The following SOBP variants were observed in gnomAD, a reference collection of about 807,000 sequenced individuals.
The protein encoded by SOBP is sine oculis-binding protein homolog.
A neutral mutation model predicts 53.6 loss-of-function variants in SOBP; 4 were observed. The observed-to-expected ratio is 0.07, with a 90% CI of 0.04 to 0.17. The LOEUF (loss-of-function observed/expected upper bound fraction) is 0.17, where lower values mean the gene tolerates loss of function less well. Among genes scored for constraint, SOBP ranks in the 10% least tolerant of loss-of-function variants. The pLI is 1.00. For synonymous variants in SOBP, 584 were observed against 522.6 expected (o/e 1.12, Z -1.60); for missense variants, 1,088 against 1,204.7 (o/e 0.90, Z 1.43).
chr6:107,577,963 A>G (rs1339049909), intron 4 of SOBP, among the ~76,000 whole-genome samples: 3 of 151,518 alleles, frequency 2.0e-5, no homozygotes, highest in East Asian at 3.9e-4. Context: ...AGTCCCAGCT[A>G]CTCGGGAGGC....
In SOBP at chr6:107,647,653, G is replaced by A. The variant is rs144464084; in HGVS notation, c.*4-10554G>A. Among the ~76,000 whole-genome samples, 240 of 152,160 alleles carry A rather than the reference G, an allele frequency of 1.6e-3. 9 individuals are homozygous for A. The East Asian group carries it at 0.044, about 28-fold the overall frequency. On this transcript the variant is annotated intron_variant, in intron 6 of 6. Coordinates refer to ENST00000317357, the MANE Select transcript of SOBP (RefSeq NM_018013.4). Reference sequence around the variant, plus strand: ...ATCTCTGGTTCCACTTTTACAAGTCGAGACTGCAACAAAGAGAGCGAGTGC... The same window carrying A: ...ATCTCTGGTTCCACTTTTACAAGTCAAGACTGCAACAAAGAGAGCGAGTGC...
intron 1 of SOBP, among the ~76,000 whole-genome samples, chr6:107,502,365 C>T (rs1286555305): frequency 6.6e-6 from 1 of 152,130 alleles, no homozygotes; most frequent in Non-Finnish European, 1.5e-5. Flanking sequence ...GCTTAGGAAG[C>T]TCGTGGTTCC....
intron 5 of SOBP, among the ~76,000 whole-genome samples, chr6:107,630,750 G>C (rs62428434): frequency 6.7e-6 from 1 of 148,566 alleles, no homozygotes; most frequent in African/African-American, 2.5e-5. Context: ...CACACACTCT[G>C]TCTCTCTCTC....
Position 107,634,566 on chromosome 6 carries a change from C to T in SOBP, c.1722C>T (p.Gly574=), listed in dbSNP as rs1209297879. 3 of 1,606,312 alleles carry T rather than the reference C, an allele frequency of 1.9e-6. No homozygotes were observed. Among genetic ancestry groups the T allele is most frequent in the Admixed American group, 3.3e-5 (2 of 59,990 alleles). Residue 574 remains glycine, a synonymous_variant, in exon 6 of 7, where the codon GGC becomes GGT. Coordinates refer to ENST00000317357, the MANE Select transcript of SOBP (RefSeq NM_018013.4). This position sits in a 1 kb window ranked among gnomAD's most constrained non-coding sequence, Gnocchi z 4.5. ...CCCCTGGCGACTCCGCGGCGGCGGGCGGCAAGCCAAGCGGACACTCCCTGT... is the reference window on the plus strand; with the variant it reads ...CCCCTGGCGACTCCGCGGCGGCGGGTGGCAAGCCAAGCGGACACTCCCTGT... The part of the protein sequence containing the change: ...PNAPGDSAAA[G]GKPSGHSLSP...
At chr6:107,492,566 A>T (rs1782605899) in intron 1 of SOBP, among the ~76,000 whole-genome samples, 1 of 152,258 alleles carries the variant, frequency 6.6e-6, no homozygotes, top group East Asian at 1.9e-4. Flanking sequence ...GGTTTGGGAG[A>T]TAGTTGTCCT....
At chr6:107,578,836 CTG>C (rs1785317576) in intron 4 of SOBP, among the ~76,000 whole-genome samples, 1 of 152,164 alleles carries the variant, frequency 6.6e-6, no homozygotes, top group African/African-American at 2.4e-5. Flanking sequence ...TGAATCTCCT[CTG>C]TAACATCTGG....
In SOBP at chr6:107,634,866, G is replaced by A. The variant is rs768378602; in HGVS notation, c.2022G>A (p.Ala674=). The change falls in exon 6 of 7, where the codon GCG becomes GCA. Residue 674 remains alanine (A), a synonymous_variant. Coordinates refer to ENST00000317357, the MANE Select transcript of SOBP (RefSeq NM_018013.4). This position sits in a 1 kb window ranked among gnomAD's most constrained non-coding sequence, Gnocchi z 4.5. ...LHNVIHRALH[A]HVKAEREPSA... ...ACGTGATCCACCGCGCGCTGCACGC[G>A]CACGTCAAGGCGGAGCGCGAGCCGA... 3.7e-6 allele frequency: 5 copies of A among 1,360,830 alleles called. No individual in the cohort carries two copies. The highest frequency in any genetic ancestry group is 6.9e-5 in the East Asian group (2 of 28,840). The allele number at this position is 1,360,830 out of a possible 1,614,324, so 84.3% of individuals were successfully genotyped here.
intron 4 of SOBP, among the ~76,000 whole-genome samples, chr6:107,558,934 T>C (rs1329069463): frequency 6.6e-6 from 1 of 152,140 alleles, no homozygotes; most frequent in Non-Finnish European, 1.5e-5. Flanking sequence ...TGTATATTTT[T>C]TGTAGATGTT....
chr6:107,645,283 AT>A (rs1241206844), intron 6 of SOBP, among the ~76,000 whole-genome samples: 4 of 152,188 alleles, frequency 2.6e-5, no homozygotes, highest in Non-Finnish European at 2.9e-5. Context: ...ATAACTCCTC[AT>A]CATATCCAAA....
Position 107,635,336 on chromosome 6 carries a change from T to A in SOBP, c.2492T>A (p.Val831Glu), listed in dbSNP as rs753297554. Residue 831 changes from valine to glutamate, a missense_variant, in exon 6 of 7, where the codon GTG (valine) becomes GAG (glutamate). This residue lies in a region of SOBP where 665 missense variants were observed against 629.7 expected (regional missense o/e 1.06). Transcript: ENST00000317357. The surrounding 1 kb of genome is among the most constrained non-coding windows in gnomAD (Gnocchi z 4.5). ...AAGACCGGCTGCGTGATCCAGCCTG[T>A]GCCAAAACCCGCGGAGAAGGCTGCC... is the stretch of plus-strand genomic sequence containing the variant. ...LPKTGCVIQP[V>E]PKPAEKAAMA... 2 of 1,613,630 alleles carry A rather than the reference T, an allele frequency of 1.2e-6. No homozygotes were observed. Among genetic ancestry groups the A allele is most frequent in the Non-Finnish European group, 1.7e-6 (2 of 1,180,020 alleles).
At position 107,634,019 on chromosome 6, in the gene SOBP, C is replaced by G. The variant is rs1456058043; in HGVS notation, c.1175C>G (p.Pro392Arg). 6.2e-7 allele frequency: 1 copy of G among 1,612,080 alleles called. No individual in the cohort carries two copies. The highest frequency in any genetic ancestry group is 8.5e-7 in the Non-Finnish European group (1 of 1,178,986). The change falls in exon 6 of 7, where the codon CCG (proline) becomes CGG (arginine). Residue 392 changes from proline (P) to arginine (R), a missense_variant. By Grantham distance (103) the Pro-to-Arg change is moderately radical. Transcript: ENST00000317357. The surrounding 1 kb of genome is among the most constrained non-coding windows in gnomAD (Gnocchi z 4.5). ...SPPMVMTNRG[P>R]VPLPIFMEQQ... ...CCCATGGTGATGACCAACCGCGGCC[C>G]GGTGCCGCTGCCCATCTTCATGGAG...
intron 4 of SOBP, among the ~76,000 whole-genome samples, chr6:107,571,594 G>C (rs1785075104): frequency 6.6e-6 from 1 of 152,158 alleles, no homozygotes; most frequent in African/African-American, 2.4e-5. Flanking sequence ...CACAAACTGT[G>C]ACTAAGGAAC....
At chr6:107,628,544 CAT>C (rs1182110317) in intron 5 of SOBP, among the ~76,000 whole-genome samples, 1 of 152,176 alleles carries the variant, frequency 6.6e-6, no homozygotes. Context: ...ACATGTAAAA[CAT>C]GTGGGACAGG....
chr6:107,565,574 G>A (rs1290484195), intron 4 of SOBP, among the ~76,000 whole-genome samples: 2 of 152,202 alleles, frequency 1.3e-5, no homozygotes, highest in African/African-American at 4.8e-5. Context: ...ATGGTCATCT[G>A]AGTAGGAAGT....
chr6:107,518,027 T>G (rs544022419), intron 3 of SOBP, among the ~76,000 whole-genome samples: 1 of 151,786 alleles, frequency 6.6e-6, no homozygotes. Context: ...TTTATACAAA[T>G]AAAAAAAGAA....
intron 1 of SOBP, 71 bp downstream of exon 1, chr6:107,490,783 G>A: frequency 8.5e-7 from 1 of 1,173,172 alleles, no homozygotes; most frequent in Non-Finnish European, 1.2e-6. Context: ...GCCGTGGTAT[G>A]GATCTGGGGG....
chr6:107,509,455 T>C (rs1254572378), intron 3 of SOBP, among the ~76,000 whole-genome samples: 5 of 150,956 alleles, frequency 3.3e-5, no homozygotes, highest in Non-Finnish European at 7.4e-5. Flanking sequence ...GCATAGTGCC[T>C]GCCTCACAAA....
chr6:107,522,497 T>G (rs1783539551), intron 3 of SOBP, among the ~76,000 whole-genome samples: 1 of 151,362 alleles, frequency 6.6e-6, no homozygotes, highest in African/African-American at 2.4e-5. Context: ...ACTTGATAAA[T>G]ATTCATCGAA....
chr6:107,507,438 T>C (rs1783028970), intron 3 of SOBP, among the ~76,000 whole-genome samples: 1 of 152,118 alleles, frequency 6.6e-6, no homozygotes, highest in Non-Finnish European at 1.5e-5. Flanking sequence ...CTTGAGTAGC[T>C]GGGATTACAG....
Sources: allele counts gnomAD v4.1 joint callset (sites outside exome capture counted in the v4.1 genomes callset), GRCh38; gene constraint gnomAD v4.1.1; regional missense constraint gnomAD v4.1.1; non-coding constraint Gnocchi (gnomAD v3.1); transcripts MANE v1.5; gene names NCBI Gene and HGNC (gene_info 2026-07-23, HGNC 2026-07-21).